The following GALNT14 variants were observed in gnomAD, a reference collection of about 807,000 sequenced individuals.
GALNT14 encodes polypeptide N-acetylgalactosaminyltransferase 14.
In GALNT14, 60 loss-of-function variants were observed where a neutral mutation model predicts 77.5. The observed-to-expected ratio is 0.77, with a 90% confidence interval of 0.63 to 0.96. The LOEUF (loss-of-function observed/expected upper bound fraction) is 0.96. GALNT14 is among the 40% of genes least tolerant of loss of function. GALNT14 has a pLI of 0.00. For missense variants in GALNT14, 710 were observed against 731.0 expected (o/e 0.97, Z 0.33); for synonymous variants, 280 against 281.7 (o/e 0.99, Z 0.06).
intron 1 of GALNT14, among the ~76,000 whole-genome samples, chr2:31,029,024 C>A (rs944314531): frequency 1.3e-5 from 2 of 152,126 alleles, no homozygotes; most frequent in African/African-American, 4.8e-5. Flanking sequence ...ATGCTCAATT[C>A]TCTGGGGGTT....
intron 9 of GALNT14, among the ~76,000 whole-genome samples, chr2:30,938,955 CA>C (rs1462802304): frequency 1.3e-5 from 2 of 152,236 alleles, no homozygotes; most frequent in Non-Finnish European, 2.9e-5. Context: ...AACCCTTAAA[CA>C]TGTCTCTCTA....
At position 30,964,952 on chromosome 2, in the gene GALNT14, G is replaced by A. The variant is rs1418020175; in HGVS notation, c.398+1252C>T. ...AAACAATGAGATTTTGCTGTGTTTC[G>A]TGTGCTCTCTGACCCATGTTTCATC... On this transcript the variant is annotated intron_variant, in intron 3 of 14. Transcript: ENST00000349752. Among the ~76,000 whole-genome samples the A allele has an allele frequency of 2.6e-5, 4 of 152,122 alleles. No homozygotes were observed. The South Asian group carries it at 6.2e-4, about 24-fold the overall frequency.
intron 1 of GALNT14, chr2:31,114,873 G>A (rs1033977887): frequency 2.0e-5 from 14 of 711,002 alleles, no homozygotes; most frequent in Admixed American, 6.2e-5. Flanking sequence ...TCCAAACAGA[G>A]AGAACAGGTA....
At chr2:30,951,457 T>C (rs1667022321) in intron 6 of GALNT14, among the ~76,000 whole-genome samples, 1 of 152,088 alleles carries the variant, frequency 6.6e-6, no homozygotes, top group African/African-American at 2.4e-5. Context: ...GAGTGAGTGA[T>C]TGCCCATGGG....
rs528020064 is a variant in GALNT14, at chr2:30,951,452, AG to A, written c.654+4165del. Among the ~76,000 whole-genome samples, 275 of 152,222 alleles carry A rather than the reference AG, an allele frequency of 1.8e-3. 2 individuals are homozygous for A. The highest frequency in any genetic ancestry group is 8.7e-3 in the South Asian group (42 of 4,804). ...AGGGAGAAGAGGAGAATGAGGAGTG[AG>A]TGATTGCCCATGGGTATGAGGTTTC... On this transcript the variant is annotated intron_variant, in intron 6 of 14. Transcript: ENST00000349752.
chr2:30,904,086 G>A, the GALNT14 span, among the ~76,000 whole-genome samples: 3 of 152,118 alleles, frequency 2.0e-5, no homozygotes, highest in South Asian at 6.2e-4. Flanking sequence ...GAGATGTCTG[G>A]ACCCAACCCC....
At chr2:30,985,368 C>A (rs1353065327) in intron 2 of GALNT14, among the ~76,000 whole-genome samples, 1 of 152,146 alleles carries the variant, frequency 6.6e-6, no homozygotes, top group Non-Finnish European at 1.5e-5. Context: ...ACAGGAGGGG[C>A]CTGCAGGCTC....
chr2:30,941,867 G>C (rs1666395511), intron 9 of GALNT14, among the ~76,000 whole-genome samples: 1 of 152,152 alleles, frequency 6.6e-6, no homozygotes, highest in African/African-American at 2.4e-5. Flanking sequence ...GCCTGTATCT[G>C]ACCCCTCAGA....
At chr2:31,007,599 T>A (rs1033342035) in intron 1 of GALNT14, among the ~76,000 whole-genome samples, 12 of 152,160 alleles carry the variant, frequency 7.9e-5, no homozygotes, top group African/African-American at 2.9e-4. Flanking sequence ...TGGCCTTCTT[T>A]TCGCTTTTTC....
At chr2:30,959,610 A>G (rs147118634) in intron 3 of GALNT14, among the ~76,000 whole-genome samples, 106 of 152,372 alleles carry the variant, frequency 7.0e-4, no homozygotes, top group African/African-American at 2.5e-3. Flanking sequence ...TGAGCAAATT[A>G]AAGGAGAAAG....
At chr2:31,022,058 C>G (rs955719238) in intron 1 of GALNT14, among the ~76,000 whole-genome samples, 3 of 152,210 alleles carry the variant, frequency 2.0e-5, no homozygotes, top group Non-Finnish European at 2.9e-5. Context: ...AGAAAGATTC[C>G]GTCTTCCCTG....
At chr2:31,094,166 T>C (rs911031711) in intron 1 of GALNT14, among the ~76,000 whole-genome samples, 2 of 152,226 alleles carry the variant, frequency 1.3e-5, no homozygotes, top group African/African-American at 4.8e-5. Context: ...CAATGTACTT[T>C]GTAATCTCCC....
chr2:31,027,886 CTGTGTG>C lies in GALNT14; in HGVS notation c.130-34885_130-34880del, dbSNP rs10562223. On this transcript the variant is annotated intron_variant, in intron 1 of 14. Transcript: ENST00000349752. ...TACTCTAAGAGGGCCCAGATGTATT[CTGTGTG>C]TGTGTGTGTGTGTGTGTGTGTGTGT... Among the ~76,000 whole-genome samples, 54 of 141,868 alleles carry C rather than the reference CTGTGTG, an allele frequency of 3.8e-4. No individual in the cohort carries two copies. The Middle Eastern group carries it at 0.018, about 48-fold the overall frequency. 93.1% of individuals were successfully genotyped at this position (141,868 alleles called of 152,430 possible).
In GALNT14 at chr2:30,910,546, T is replaced by C. The variant is rs1664293971; in HGVS notation, c.*355A>G. On this transcript the variant is annotated 3_prime_UTR_variant, in exon 15 of 15. Coordinates refer to ENST00000349752, the MANE Select transcript of GALNT14 (RefSeq NM_024572.4). ...TTCATCTCTCAATGTAGTCCTGGCC[T>C]AGTGAAAAAGAAGGCTTTTCTTTCT... 9.8e-6 allele frequency: 2 copies of C among 205,028 alleles called. No homozygotes were observed. Among genetic ancestry groups the C allele is most frequent in the Non-Finnish European group, 1.9e-5 (2 of 102,662 alleles). The allele number at this position is 205,028 out of a possible 1,614,324, so 12.7% of individuals were successfully genotyped here. A position where few individuals can be genotyped will look rare whatever the true frequency, so the allele number is the denominator to read the frequency against.
chr2:30,900,031 G>A, the GALNT14 span, among the ~76,000 whole-genome samples: 1 of 152,202 alleles, frequency 6.6e-6, no homozygotes, highest in African/African-American at 2.4e-5. Flanking sequence ...CTCAGTGTGT[G>A]GAGTTGGGGA....
At chr2:30,968,582 C>T (rs932250703) in intron 2 of GALNT14, among the ~76,000 whole-genome samples, 3 of 152,130 alleles carry the variant, frequency 2.0e-5, no homozygotes, top group Non-Finnish European at 4.4e-5. Context: ...AACTTGCCAG[C>T]CACATGAATG....
chr2:31,018,554 G>T (rs1459889159), intron 1 of GALNT14, among the ~76,000 whole-genome samples: 1 of 152,180 alleles, frequency 6.6e-6, no homozygotes, highest in Non-Finnish European at 1.5e-5. Context: ...GTCCCATCAG[G>T]TCTCTCCCTT....
At chr2:30,979,137 G>T (rs948124650) in intron 2 of GALNT14, among the ~76,000 whole-genome samples, 4 of 152,244 alleles carry the variant, frequency 2.6e-5, no homozygotes, top group African/African-American at 9.6e-5. Context: ...TTTCAGGTGA[G>T]GAGTGATCCT....
chr2:31,055,825 G>A (rs933841443), intron 1 of GALNT14, among the ~76,000 whole-genome samples: 1 of 152,216 alleles, frequency 6.6e-6, no homozygotes, highest in Non-Finnish European at 1.5e-5. Context: ...CCCAACCAGA[G>A]AGGACAGCAG....
Sources: gnomAD v4.1 joint callset for allele counts (sites outside exome capture counted in the v4.1 genomes callset) on GRCh38, gnomAD v4.1.1 for gene constraint, MANE v1.5 for transcripts, NCBI Gene and HGNC (gene_info 2026-07-23, HGNC 2026-07-21) for gene names.